The following DAB1 variants were observed in gnomAD, a reference collection of about 807,000 sequenced individuals.
DAB1 encodes the protein DAB adaptor protein 1.
A neutral mutation model predicts 64.6 loss-of-function variants in DAB1; 15 were observed. That is an observed-to-expected ratio of 0.23 (90% confidence interval 0.16 to 0.36). DAB1 has a LOEUF of 0.36. Among genes scored for constraint, DAB1 ranks in the 10% least tolerant of loss-of-function variants. DAB1 has a pLI of 1.00. For missense variants in DAB1, 596 were observed against 706.7 expected, an observed-to-expected ratio of 0.84 and a Z score of 1.78; for synonymous variants, 235 against 251.9, an observed-to-expected ratio of 0.93 and a Z score of 0.64.
intron 3 of DAB1, among the ~76,000 whole-genome samples, chr1:58,490,681 G>A (rs1220231732): frequency 1.3e-5 from 2 of 151,656 alleles, no homozygotes; most frequent in African/African-American, 4.8e-5. Context: ...AATGTTAAGG[G>A]CAGCTAGAGA....
At chr1:57,017,679 A>G (rs1054426524) in intron 11 of DAB1, among the ~76,000 whole-genome samples, 1 of 152,234 alleles carries the variant, frequency 6.6e-6, no homozygotes, top group African/African-American at 2.4e-5. Context: ...AATGATGTCA[A>G]CAAACAAAAT....
chr1:57,786,199 A>G (rs901398501), intron 6 of DAB1, among the ~76,000 whole-genome samples: 3 of 152,222 alleles, frequency 2.0e-5, no homozygotes, highest in African/African-American at 7.2e-5. Context: ...AATGGACTAC[A>G]GTATAGTATA....
intron 9 of DAB1, among the ~76,000 whole-genome samples, chr1:57,050,244 T>C (rs1570594550): frequency 6.6e-6 from 1 of 152,216 alleles, no homozygotes; most frequent in Non-Finnish European, 1.5e-5. Flanking sequence ...ACTTAGATGA[T>C]TCCATTAGCT....
intron 3 of DAB1, among the ~76,000 whole-genome samples, chr1:58,463,668 G>A (rs909330147): frequency 6.6e-6 from 1 of 152,204 alleles, no homozygotes; most frequent in Admixed American, 6.5e-5. Flanking sequence ...GCATAAATGG[G>A]TTTGCATGTG....
chr1:57,622,165 C>T (rs1404149517), intron 7 of DAB1, among the ~76,000 whole-genome samples: 1 of 152,156 alleles, frequency 6.6e-6, no homozygotes, highest in Admixed American at 6.5e-5. Flanking sequence ...TTCAGTTATA[C>T]CCTTTGGGGG....
In DAB1 at chr1:57,983,228, C is replaced by T. The variant is rs116801423; in HGVS notation, n.388-99066G>A. On this transcript the variant is annotated intron_variant and non_coding_transcript_variant, in intron 5 of 20. Coordinates refer to the DAB1 transcript ENST00000485760. ...TCACTAAATTTGGAGGTCAAAGCAG[C>T]CTTGGCCTTCAACATATTAAATAAA... is the stretch of plus-strand genomic sequence containing the variant. Among the ~76,000 whole-genome samples the T allele has an allele frequency of 1.9e-3, 296 of 152,300 alleles. 2 individuals carry two copies. Among genetic ancestry groups the T allele is most frequent in the South Asian group, 7.7e-3 (37 of 4,820 alleles).
At chr1:57,837,967 A>G (rs1250793925) in intron 1 of DAB1, among the ~76,000 whole-genome samples, 2 of 151,978 alleles carry the variant, frequency 1.3e-5, no homozygotes, top group Admixed American at 1.3e-4. Flanking sequence ...TCTCCATACT[A>G]CTGCCACCAT....
At chr1:57,563,240 T>A (rs1645074078) in intron 7 of DAB1, among the ~76,000 whole-genome samples, 1 of 152,216 alleles carries the variant, frequency 6.6e-6, no homozygotes, top group Non-Finnish European at 1.5e-5. Context: ...TTGTCATGAG[T>A]ATTTTCTTCT....
chr1:57,953,499 C>T (rs984551359), intron 5 of DAB1, among the ~76,000 whole-genome samples: 1 of 152,126 alleles, frequency 6.6e-6, no homozygotes, highest in Non-Finnish European at 1.5e-5. Context: ...CCTAAAATTC[C>T]ATTATTCTTT....
At chr1:57,418,655 C>T (rs984140448) in intron 1 of DAB1, among the ~76,000 whole-genome samples, 66 of 152,294 alleles carry the variant, frequency 4.3e-4, no homozygotes, top group African/African-American at 1.6e-3. Flanking sequence ...TAGCTGTCAT[C>T]TCTTCTATTC....
At chr1:58,433,621 T>TTG (rs1282042616) in intron 3 of DAB1, among the ~76,000 whole-genome samples, 1 of 93,606 alleles carries the variant, frequency 1.1e-5, no homozygotes, top group Non-Finnish European at 2.3e-5. Context: ...GTGTGTGTGT[T>TTG]TGTGTGTGTG....
intron 3 of DAB1, among the ~76,000 whole-genome samples, chr1:58,490,112 GAGA>G (rs1557438238): frequency 6.6e-6 from 1 of 152,250 alleles, no homozygotes; most frequent in Non-Finnish European, 1.5e-5. Context: ...GACGAGTTGA[GAGA>G]AGAATGCTTC....
chr1:57,799,892 A>T (rs577862910), intron 6 of DAB1, among the ~76,000 whole-genome samples: 9 of 152,192 alleles, frequency 5.9e-5, no homozygotes, highest in Non-Finnish European at 1.3e-4. Flanking sequence ...AGAAATGAGT[A>T]GTGACAACAG....
intron 5 of DAB1, among the ~76,000 whole-genome samples, chr1:58,118,339 T>C (rs1171813531): frequency 6.7e-6 from 1 of 148,902 alleles, no homozygotes; most frequent in Non-Finnish European, 1.5e-5. Context: ...CGCATTCAGC[T>C]TAAGAGCAAA....
chr1:57,229,087 A>G (rs1164003280), intron 2 of DAB1, among the ~76,000 whole-genome samples: 1 of 152,220 alleles, frequency 6.6e-6, no homozygotes, highest in Non-Finnish European at 1.5e-5. Flanking sequence ...TTTTTTAGAA[A>G]CCCTCTTAGA....
At chr1:58,401,656 G>A (rs1419231139) in intron 3 of DAB1, among the ~76,000 whole-genome samples, 8 of 152,226 alleles carry the variant, frequency 5.3e-5, no homozygotes, top group Admixed American at 3.9e-4. Context: ...CTAAAACAAC[G>A]CCTGGTACAT....
At chr1:58,309,331 C>T (rs1430701155) in intron 4 of DAB1, among the ~76,000 whole-genome samples, 1 of 152,126 alleles carries the variant, frequency 6.6e-6, no homozygotes, top group South Asian at 2.1e-4. Flanking sequence ...GCATATTACC[C>T]TTCCCATGGG....
chr1:57,902,969 G>A (rs190416741), intron 5 of DAB1, among the ~76,000 whole-genome samples: 1 of 152,276 alleles, frequency 6.6e-6, no homozygotes, highest in East Asian at 1.9e-4. Flanking sequence ...CATGGTTGGG[G>A]AGGCCTCACA....
chr1:58,069,298 G>A (rs772572724), intron 5 of DAB1, among the ~76,000 whole-genome samples: 7 of 152,104 alleles, frequency 4.6e-5, no homozygotes, highest in Non-Finnish European at 8.8e-5. Context: ...CCTCATACTT[G>A]AAGAAACAGA....
Sources: allele counts gnomAD v4.1 joint callset (sites outside exome capture counted in the v4.1 genomes callset), GRCh38; gene constraint gnomAD v4.1.1; transcripts MANE v1.5; gene names NCBI Gene and HGNC (gene_info 2026-07-23, HGNC 2026-07-21).